The following NCAPG variants were observed in gnomAD, a reference collection of about 807,000 sequenced individuals.
NCAPG encodes condensin complex subunit 3.
A neutral mutation model predicts 113.1 loss-of-function variants in NCAPG; 69 were observed. The observed-to-expected ratio is 0.61, with a 90% CI of 0.50 to 0.75. The LOEUF (loss-of-function observed/expected upper bound fraction) is 0.75. Among genes scored for constraint, NCAPG ranks in the 30% least tolerant of loss-of-function variants. The probability of loss-of-function intolerance (pLI) is 0.00; values close to 1 mark genes in which losing one functional copy is unlikely to be tolerated. For missense variants in NCAPG, 1,058 were observed against 1,177.0 expected (o/e 0.90, Z 1.48); for synonymous variants, 370 against 415.8 (o/e 0.89, Z 1.34).
intron 13 of NCAPG, 38 bp downstream of exon 13, chr4:17,831,154 C>A: frequency 6.3e-7 from 1 of 1,596,102 alleles, no homozygotes; most frequent in Non-Finnish European, 8.6e-7. Context: ...ACTGTATTTC[C>A]TGAAATACTC....
At chr4:17,828,144 GT>G in intron 11 of NCAPG, 133 bp from the exon 12 acceptor site, 1 of 470,806 alleles carries the variant, frequency 2.1e-6, no homozygotes. Flanking sequence ...TTTACTATCT[GT>G]GTGATAGCTG....
At chr4:17,815,449 A>C in intron 5 of NCAPG, 91 bp downstream of exon 5, 1 of 848,624 alleles carries the variant, frequency 1.2e-6, no homozygotes, top group East Asian at 2.8e-5. Context: ...AATCAGGTCA[A>C]GTAAGCCTGC....
At position 17,816,064 on chromosome 4, in the gene NCAPG, ATT is replaced by A. The variant is rs201107828; in HGVS notation, c.775+718_775+719del. On this transcript the variant is annotated intron_variant, in intron 5 of 20. Coordinates refer to ENST00000251496, the MANE Select transcript of NCAPG (RefSeq NM_022346.5). Reference sequence around the variant, plus strand: ...ATGGTCAGACCAGTATAATTTTCTTATTTTTTTTTTTTTCTGTTAGAGTAGAG... The same window carrying A: ...ATGGTCAGACCAGTATAATTTTCTTATTTTTTTTTTTCTGTTAGAGTAGAG... 7.2e-3 allele frequency among the ~76,000 whole-genome samples: 1,027 copies of A among 143,156 alleles called. 16 individuals carry two copies. Among genetic ancestry groups the A allele is most frequent in the African/African-American group, 0.025 (985 of 39,038 alleles). The allele number at this position is 143,156 out of a possible 152,430, so 93.9% of individuals were successfully genotyped here. A position where few individuals can be genotyped will look rare whatever the true frequency, so the allele number is the denominator to read the frequency against.
chr4:17,843,409 A>G lies in NCAPG; in HGVS notation c.3032A>G (p.Asn1011Ser). 6.2e-7 allele frequency: 1 copy of G among 1,611,344 alleles called. No homozygotes were observed. The highest frequency in any genetic ancestry group is 8.5e-7 in the Non-Finnish European group (1 of 1,177,824). The change falls in exon 21 of 21, where the codon AAT becomes AGT. Residue 1011 changes from asparagine (N) to serine (S), a missense_variant. By Grantham distance (46) the Asn-to-Ser change is conservative. Transcript: ENST00000251496. The part of the protein sequence containing the change: ...KSKLNLAQFL[N>S]EDLS Reference sequence around the variant, plus strand: ...AAACTTAACCTTGCCCAATTTCTCAATGAAGATCTAAGTTAGGAAAGACGA... The same window carrying G: ...AAACTTAACCTTGCCCAATTTCTCAGTGAAGATCTAAGTTAGGAAAGACGA...
chr4:17,817,238 C>T, intron 5 of NCAPG, 23 bp from the exon 6 acceptor site: 1 of 1,582,442 alleles, frequency 6.3e-7, no homozygotes, highest in Non-Finnish European at 8.6e-7. Flanking sequence ...CTTTGTTCAC[C>T]TATGTTTCAA....
Position 17,815,007 on chromosome 4 carries a change from G to A in NCAPG, c.690+9G>A, listed in dbSNP as rs1560221882. On this transcript the variant is annotated intron_variant, in intron 4 of 20. Transcript: ENST00000251496. ...GAAAGCTGGCTTATCAGGTAAATAA[G>A]TTCAATGTCTTGTGTTGGCATATTC... is the stretch of plus-strand genomic sequence containing the variant. 6.2e-7 allele frequency: 1 copy of A among 1,613,948 alleles called. No homozygotes were observed.
At chr4:17,820,158 G>A (rs1378871497) in intron 7 of NCAPG, among the ~76,000 whole-genome samples, 1 of 152,138 alleles carries the variant, frequency 6.6e-6, no homozygotes, top group Non-Finnish European at 1.5e-5. Flanking sequence ...AGGGGGAGGA[G>A]TTTTCCTCAA....
chr4:17,829,337 C>T (rs1463941122), intron 12 of NCAPG, among the ~76,000 whole-genome samples: 1 of 152,168 alleles, frequency 6.6e-6, no homozygotes, highest in African/African-American at 2.4e-5. Context: ...CTTGGGTTGT[C>T]ATGAGTTCCT....
At chr4:17,812,173 A>G (rs1424053531) in intron 1 of NCAPG, 48 bp from the exon 2 acceptor site, 14 of 1,434,704 alleles carry the variant, frequency 9.8e-6, no homozygotes, top group Admixed American at 3.5e-5. Context: ...GTTGGGAATA[A>G]AGGATTTTTA....
In NCAPG at chr4:17,837,098, A is replaced by T. The variant is rs550987506; in HGVS notation, c.2110-61A>T. The stretch of plus-strand genomic sequence containing the variant: ...GTAAAAATACTGTAGGACAGGCTAC[A>T]TTGAGAGGCTTAAAAAGGAGATACA... On this transcript the variant is annotated intron_variant, in intron 14 of 20. Coordinates refer to ENST00000251496, the MANE Select transcript of NCAPG (RefSeq NM_022346.5). 34 of 1,479,554 alleles carry T rather than the reference A, an allele frequency of 2.3e-5. No individual in the cohort carries two copies. The East Asian group carries it at 7.3e-4, about 32-fold the overall frequency. 91.7% of individuals were successfully genotyped at this position (1,479,554 alleles called of 1,614,324 possible).
At chr4:17,823,917 C>G (rs1721557161) in intron 9 of NCAPG, 147 bp downstream of exon 9, 1 of 607,480 alleles carries the variant, frequency 1.6e-6, no homozygotes, top group South Asian at 2.1e-5. Context: ...AAACCATTAT[C>G]TATCTCTTAC....
chr4:17,840,341 T>C, intron 18 of NCAPG, 132 bp downstream of exon 18: 7 of 969,834 alleles, frequency 7.2e-6, no homozygotes, highest in Non-Finnish European at 1.0e-5. Context: ...TTCTAATTAA[T>C]CCTCTTGGGA....
At position 17,828,380 on chromosome 4, in the gene NCAPG, G is replaced by A. The variant is rs908530180; in HGVS notation, c.1756G>A (p.Glu586Lys). 29 of 1,599,330 alleles carry A rather than the reference G, an allele frequency of 1.8e-5. No homozygotes were observed. Among genetic ancestry groups the A allele is most frequent in the Non-Finnish European group, 2.2e-5 (26 of 1,170,310 alleles). The change falls in exon 12 of 21, where the codon GAA becomes AAA. Residue 586 changes from glutamate (E) to lysine (K), a missense_variant. Coordinates refer to ENST00000251496, the MANE Select transcript of NCAPG (RefSeq NM_022346.5). ...GLSATMNGII[E>K]SLILPGIISI... ...AAGTGCAACCATGAATGGAATCATC[G>A]AATCTTTGGTATGTTGATGGCCTCT...
chr4:17,828,595 T>C (rs1431367494), intron 12 of NCAPG, among the ~76,000 whole-genome samples: 1 of 152,126 alleles, frequency 6.6e-6, no homozygotes, highest in Non-Finnish European at 1.5e-5. Context: ...TAAATTACAG[T>C]CTTTTACATA....
chr4:17,842,190 G>T (rs1722475912), intron 19 of NCAPG, 120 bp from the exon 20 acceptor site: 1 of 761,790 alleles, frequency 1.3e-6, no homozygotes, highest in Non-Finnish European at 2.2e-6. Context: ...ACAAGTAGGA[G>T]ATACATGTGT....
At chr4:17,813,655 T>C (rs1053498576) in intron 3 of NCAPG, among the ~76,000 whole-genome samples, 2 of 151,272 alleles carry the variant, frequency 1.3e-5, no homozygotes, top group Non-Finnish European at 3.0e-5. Context: ...CTTCCTGTTT[T>C]AGGTGGCTCA....
rs149861736 is a variant in NCAPG at position 17,814,924 on chromosome 4, T to G, written c.616T>G (p.Ser206Ala). ...GGCAGTGTTATCATGTATTGCACCA[T>G]CAGCAAAGACTTTGCCAAAAATTGT... Reference protein sequence around the residue: ...RRAVLSCIAPSAKTLPKIVGR... With the variant: ...RRAVLSCIAPAAKTLPKIVGR... Residue 206 changes from serine to alanine, a missense_variant, in exon 4 of 21, where the codon TCA becomes GCA. Ser to Ala is a moderately conservative substitution (Grantham distance 99, BLOSUM62 1). Transcript: ENST00000251496. 1 of 1,614,196 alleles carries G rather than the reference T, an allele frequency of 6.2e-7. No individual in the cohort carries two copies. Among genetic ancestry groups the G allele is most frequent in the African/African-American group, 1.3e-5 (1 of 75,070 alleles).
At position 17,813,138 on chromosome 4, in the gene NCAPG, G is replaced by A. The variant is rs771160451; in HGVS notation, c.537G>A (p.Val179=). Residue 179 remains valine, a synonymous_variant, in exon 3 of 21, where the codon GTG becomes GTA. Coordinates refer to ENST00000251496, the MANE Select transcript of NCAPG (RefSeq NM_022346.5). ...ATCCCAAGGATGATGAATGCCCAGT[G>A]GTTAATGGTGTGTGTAGTTTCCTAA... The part of the protein sequence containing the change: ...LQDPKDDECP[V]VNAYATLIEN... The A allele has an allele frequency of 3.7e-6, 6 of 1,611,428 alleles. No homozygotes were observed. In the East Asian group the frequency reaches 1.3e-4, roughly 36 times the overall value.
At chr4:17,830,813 G>T (rs978823844) in intron 12 of NCAPG, among the ~76,000 whole-genome samples, 184 bp from the exon 13 acceptor site, 1 of 152,144 alleles carries the variant, frequency 6.6e-6, no homozygotes, top group Non-Finnish European at 1.5e-5. Flanking sequence ...CTTTTAGCAG[G>T]TGGAGGGGAG....
Sources: gnomAD v4.1 joint callset for allele counts (sites outside exome capture counted in the v4.1 genomes callset) on GRCh38, gnomAD v4.1.1 for gene constraint, MANE v1.5 for transcripts, NCBI Gene and HGNC (gene_info 2026-07-23, HGNC 2026-07-21) for gene names.